Variants in DAB1 observed in about 807,000 individuals in gnomAD.
DAB1 encodes the protein DAB adaptor protein 1, also known as disabled homolog 1.
DAB1 carries 15 observed loss-of-function variants against 64.6 expected under a neutral mutation model. The observed-to-expected ratio is 0.23, with a 90% CI of 0.16 to 0.36. The LOEUF is 0.36. Ranked by LOEUF, DAB1 falls within the 10% of genes least tolerant of loss-of-function variation. DAB1 has a pLI of 1.00. For synonymous variants in DAB1, 235 were observed against 251.9 expected (o/e 0.93, Z 0.64); for missense variants, 596 against 706.7 (o/e 0.84, Z 1.78).
intron 4 of DAB1, among the ~76,000 whole-genome samples, chr1:57,112,408 C>T (rs61765319): frequency 0.013 from 1,978 of 152,292 alleles, 32 homozygotes; most frequent in Admixed American, 0.051. Flanking sequence ...TGAATCATCA[C>T]CAAGATGGGG....
chr1:57,889,257 C>T (rs17116395), intron 5 of DAB1, among the ~76,000 whole-genome samples: 4,052 of 152,330 alleles, frequency 0.027, 181 homozygotes, highest in African/African-American at 0.092. Context: ...TCCCACTATG[C>T]TGGGCATGAT....
At chr1:57,961,527 A>C (rs1345540455) in intron 5 of DAB1, among the ~76,000 whole-genome samples, 1 of 152,204 alleles carries the variant, frequency 6.6e-6, no homozygotes, top group East Asian at 1.9e-4. Flanking sequence ...GAGTATTCTC[A>C]AGAGTCACTT....
At chr1:58,267,018 G>A (rs1327115525) in intron 4 of DAB1, among the ~76,000 whole-genome samples, 1 of 152,100 alleles carries the variant, frequency 6.6e-6, no homozygotes, top group Non-Finnish European at 1.5e-5. Context: ...TCAGGAGTTC[G>A]AGAACAGCCT....
chr1:58,469,947 A>C (rs1349488225), intron 3 of DAB1, among the ~76,000 whole-genome samples: 3 of 151,990 alleles, frequency 2.0e-5, no homozygotes. Context: ...TCAGGACTTG[A>C]GAGAAGGCTA....
chr1:57,868,474 A>G (rs1654397536), intron 1 of DAB1, among the ~76,000 whole-genome samples: 1 of 152,162 alleles, frequency 6.6e-6, no homozygotes, highest in South Asian at 2.1e-4. Context: ...AAAATTCCCC[A>G]TGAGCTGGCC....
intron 7 of DAB1, among the ~76,000 whole-genome samples, chr1:57,463,711 T>C (rs1686863809): frequency 1.3e-5 from 2 of 152,214 alleles, no homozygotes; most frequent in Admixed American, 6.5e-5. Flanking sequence ...TCTATTGTAT[T>C]CCACTCCACT....
At chr1:57,618,181 G>A (rs745849302) in intron 7 of DAB1, among the ~76,000 whole-genome samples, 2 of 152,162 alleles carry the variant, frequency 1.3e-5, no homozygotes, top group Admixed American at 6.6e-5. Flanking sequence ...TTGGGAGGCC[G>A]AGGTGGGTGG....
chr1:57,634,275 C>T (rs1275094257), intron 7 of DAB1, among the ~76,000 whole-genome samples: 9 of 152,166 alleles, frequency 5.9e-5, no homozygotes, highest in Non-Finnish European at 7.3e-5. Flanking sequence ...AGAACGTGAG[C>T]TATAATAGCA....
At chr1:57,482,807 C>T (rs1177922982) in intron 7 of DAB1, among the ~76,000 whole-genome samples, 1 of 152,114 alleles carries the variant, frequency 6.6e-6, no homozygotes, top group East Asian at 1.9e-4. Flanking sequence ...ATTTTATTAT[C>T]CCCATTTTAT....
intron 4 of DAB1, among the ~76,000 whole-genome samples, chr1:57,100,954 T>A (rs1654630162): frequency 6.6e-6 from 1 of 152,210 alleles, no homozygotes; most frequent in Non-Finnish European, 1.5e-5. Context: ...TTAAGCACTT[T>A]AATCCTCCCA....
chr1:57,080,351 TC>T (rs1309292030), intron 4 of DAB1, among the ~76,000 whole-genome samples: 5 of 152,194 alleles, frequency 3.3e-5, no homozygotes, highest in African/African-American at 1.2e-4. Flanking sequence ...CTCCACTGAC[TC>T]CCTATCCGTT....
intron 5 of DAB1, among the ~76,000 whole-genome samples, chr1:58,104,195 G>A (rs946324690): frequency 2.0e-5 from 3 of 152,202 alleles, no homozygotes; most frequent in African/African-American, 4.8e-5. Flanking sequence ...GTGAAGCCCC[G>A]AGGGAAAGGA....
intron 3 of DAB1, among the ~76,000 whole-genome samples, chr1:58,434,282 T>C (rs1294724027): frequency 2.0e-5 from 3 of 152,166 alleles, no homozygotes; most frequent in Admixed American, 6.5e-5. Context: ...GCAAGGATGA[T>C]GCCTGAGACT....
At chr1:57,032,065 T>C (rs915172702) in intron 9 of DAB1, among the ~76,000 whole-genome samples, 1 of 152,176 alleles carries the variant, frequency 6.6e-6, no homozygotes, top group African/African-American at 2.4e-5. Context: ...TTCAGTAATA[T>C]CTAGTTCAAG....
chr1:57,109,631 A>T (rs1655481144), intron 4 of DAB1, among the ~76,000 whole-genome samples: 1 of 152,218 alleles, frequency 6.6e-6, no homozygotes. Context: ...ATGCTAGCTA[A>T]TATTTTGAGC....
chr1:57,424,418 C>T (rs975551730), upstream of DAB1, among the ~76,000 whole-genome samples: 3 of 151,814 alleles, frequency 2.0e-5, no homozygotes, highest in African/African-American at 7.3e-5. Flanking sequence ...TCCATCCCAG[C>T]GTGGAAGGGG....
intron 4 of DAB1, among the ~76,000 whole-genome samples, chr1:57,082,339 C>T (rs1479953355): frequency 6.6e-6 from 1 of 152,148 alleles, no homozygotes; most frequent in East Asian, 1.9e-4. Flanking sequence ...AGACAAAAGA[C>T]CTTTATCACT....
intron 5 of DAB1, among the ~76,000 whole-genome samples, chr1:58,106,745 T>G (rs1000210137): frequency 6.6e-6 from 1 of 152,202 alleles, no homozygotes; most frequent in South Asian, 2.1e-4. Flanking sequence ...CTAAGTCTTA[T>G]GAATTCTTTT....
At chr1:57,939,729 C>T (rs1048127054) in intron 5 of DAB1, among the ~76,000 whole-genome samples, 1 of 152,156 alleles carries the variant, frequency 6.6e-6, no homozygotes, top group African/African-American at 2.4e-5. Flanking sequence ...CTCCACAAAG[C>T]AAGTTTATCC....
Sources: gnomAD v4.1 joint callset for allele counts (sites outside exome capture counted in the v4.1 genomes callset) on GRCh38, gnomAD v4.1.1 for gene constraint, MANE v1.5 for transcripts, NCBI Gene and HGNC (gene_info 2026-07-23, HGNC 2026-07-21) for gene names.